Variants in PLEKHG1 observed in about 807,000 individuals in gnomAD.
PLEKHG1 encodes pleckstrin homology and RhoGEF domain containing G1, also known as pleckstrin homology domain-containing family G member 1.
Under a neutral mutation model 100.8 loss-of-function variants are expected in PLEKHG1, and 44 were observed. That is an observed-to-expected ratio of 0.44 (90% confidence interval 0.34 to 0.56). PLEKHG1 has a LOEUF of 0.56. PLEKHG1 is among the 20% of genes least tolerant of loss of function. The probability of loss-of-function intolerance (pLI) is 0.01; values close to 1 mark genes in which losing one functional copy is unlikely to be tolerated. For synonymous variants in PLEKHG1, 640 were observed against 662.5 expected (o/e 0.97, Z 0.52); for missense variants, 1,545 against 1,720.9 (o/e 0.90, Z 1.81).
chr6:150,795,259 G>A (rs190976596), intron 4 of PLEKHG1, among the ~76,000 whole-genome samples: 41 of 152,110 alleles, frequency 2.7e-4, no homozygotes, highest in Middle Eastern at 3.4e-3. Context: ...GCGCGGTGAC[G>A]CATGCCTGTA....
intron 1 of PLEKHG1, among the ~76,000 whole-genome samples, chr6:150,616,489 A>G (rs1166158368): frequency 6.6e-6 from 1 of 152,208 alleles, no homozygotes; most frequent in Non-Finnish European, 1.5e-5. Context: ...CATGTTGGCT[A>G]TTAAAGTACT....
intron 2 of PLEKHG1, among the ~76,000 whole-genome samples, chr6:150,643,972 G>T (rs1778377084): frequency 6.6e-6 from 1 of 151,748 alleles, no homozygotes; most frequent in African/African-American, 2.4e-5. Context: ...ACTTGAATTT[G>T]CAAGGAAAGC....
At chr6:150,755,881 A>C (rs1783809853) in intron 2 of PLEKHG1, among the ~76,000 whole-genome samples, 1 of 152,148 alleles carries the variant, frequency 6.6e-6, no homozygotes, top group Admixed American at 6.5e-5. Context: ...GTTTTTATTA[A>C]AGATTTAATT....
chr6:150,767,644 T>C (rs1379492871), intron 2 of PLEKHG1, among the ~76,000 whole-genome samples: 1 of 152,238 alleles, frequency 6.6e-6, no homozygotes, highest in African/African-American at 2.4e-5. Context: ...CTCCTTTCTC[T>C]AGCTGCATCT....
intron 1 of PLEKHG1, among the ~76,000 whole-genome samples, chr6:150,631,371 C>T (rs11758926): frequency 0.12 from 18,868 of 152,190 alleles, 1,318 homozygotes; most frequent in South Asian, 0.24. Flanking sequence ...AGGTGATGGA[C>T]AGACAGGACT....
At chr6:150,774,867 C>A (rs1784882280) in intron 3 of PLEKHG1, among the ~76,000 whole-genome samples, 2 of 151,524 alleles carry the variant, frequency 1.3e-5, no homozygotes, top group South Asian at 2.1e-4. Context: ...TTTAAAAATT[C>A]TTTTTTAAAA....
chr6:150,739,101 T>C (rs1782716613), intron 2 of PLEKHG1, among the ~76,000 whole-genome samples: 2 of 152,090 alleles, frequency 1.3e-5, no homozygotes, highest in Non-Finnish European at 2.9e-5. Flanking sequence ...GCCTCAGATA[T>C]AGTTCACGGC....
At chr6:150,705,717 A>ACTCCCTCCT (rs1344424321) in intron 3 of PLEKHG1, among the ~76,000 whole-genome samples, 2 of 151,566 alleles carry the variant, frequency 1.3e-5, no homozygotes, top group Admixed American at 6.6e-5. Flanking sequence ...CCGCTCACCC[A>ACTCCCTCCT]CTCCCTCCTC....
At chr6:150,649,915 G>C (rs563188384) in intron 2 of PLEKHG1, among the ~76,000 whole-genome samples, 1 of 152,190 alleles carries the variant, frequency 6.6e-6, no homozygotes, top group Non-Finnish European at 1.5e-5. Context: ...GGGAGGCTGA[G>C]GCAGCAGAAT....
intron 1 of PLEKHG1, among the ~76,000 whole-genome samples, chr6:150,612,402 G>T (rs10872664): frequency 0.28 from 42,868 of 151,876 alleles, 6,206 homozygotes; most frequent in South Asian, 0.36. Flanking sequence ...GCATGATCTC[G>T]GTTCCTTGTA....
intron 2 of PLEKHG1, among the ~76,000 whole-genome samples, chr6:150,767,537 A>G (rs1376467142): frequency 6.6e-6 from 1 of 152,228 alleles, no homozygotes; most frequent in Admixed American, 6.5e-5. Flanking sequence ...AGCCTTGCCT[A>G]TTTTGCATTG....
chr6:150,764,436 G>A (rs74295838), intron 2 of PLEKHG1, among the ~76,000 whole-genome samples: 9,665 of 152,084 alleles, frequency 0.064, 406 homozygotes, highest in Admixed American at 0.11. Flanking sequence ...CTTTATTGAT[G>A]ATGGAACCAT....
At chr6:150,603,506 G>A (rs1228285161) in intron 1 of PLEKHG1, among the ~76,000 whole-genome samples, 1 of 152,084 alleles carries the variant, frequency 6.6e-6, no homozygotes, top group African/African-American at 2.4e-5. Context: ...CCTAGCGATG[G>A]GGCCCAGGTT....
intron 2 of PLEKHG1, among the ~76,000 whole-genome samples, chr6:150,640,399 A>G (rs569540223): frequency 4.6e-5 from 7 of 152,242 alleles, no homozygotes; most frequent in Admixed American, 1.3e-4. Flanking sequence ...ACCAAGAACC[A>G]TCATGTTCCT....
chr6:150,814,132 G>C (rs528987540), intron 10 of PLEKHG1, among the ~76,000 whole-genome samples: 2 of 152,296 alleles, frequency 1.3e-5, no homozygotes, highest in East Asian at 3.9e-4. Flanking sequence ...TGAGATGAAA[G>C]GGAGCTCATG....
intron 1 of PLEKHG1, among the ~76,000 whole-genome samples, chr6:150,602,728 G>A (rs1267683345): frequency 6.6e-6 from 1 of 152,088 alleles, no homozygotes; most frequent in African/African-American, 2.4e-5. Flanking sequence ...TTTATACATA[G>A]CTCTGGACTG....
At chr6:150,827,561 C>T (rs1776683814) in intron 14 of PLEKHG1, 6 of 633,556 alleles carry the variant, frequency 9.5e-6, no homozygotes, top group Non-Finnish European at 1.8e-5. Flanking sequence ...CAGGCGTGAG[C>T]CACTGTGCCT....
In PLEKHG1 at chr6:150,603,807, G is replaced by T. The variant is rs189425414; in HGVS notation, c.-204+3790G>T. On this transcript the variant is annotated intron_variant, in intron 1 of 3. Transcript: ENST00000367326. ...TGGAAAGCTAAATCCTGCTGGATTC[G>T]TGGATCCGCAAATCCATAACTCTCC... Among the ~76,000 whole-genome samples the T allele has an allele frequency of 3.9e-5, 6 of 152,294 alleles. 1 individual carries two copies. In the East Asian group the frequency reaches 1.2e-3, roughly 29 times the overall value.
intron 3 of PLEKHG1, among the ~76,000 whole-genome samples, chr6:150,781,607 T>C (rs1248609846): frequency 6.6e-6 from 1 of 152,118 alleles, no homozygotes; most frequent in Non-Finnish European, 1.5e-5. Context: ...CTGAACTTTT[T>C]TTTTAAACGG....
Sources: allele counts gnomAD v4.1 joint callset (sites outside exome capture counted in the v4.1 genomes callset), GRCh38; gene constraint gnomAD v4.1.1; transcripts MANE v1.5; gene names NCBI Gene and HGNC (gene_info 2026-07-23, HGNC 2026-07-21).